ZBBX: variants seen among roughly 807,000 people sequenced by gnomAD.
The protein encoded by ZBBX is zinc finger B-box domain containing, also known as zinc finger B-box domain-containing protein 1.
A neutral mutation model predicts 108.5 loss-of-function variants in ZBBX; 101 were observed. The ratio of observed to expected loss-of-function variants is 0.93; its 90% CI spans 0.79 to 1.10. The LOEUF is 1.10. Among genes scored for constraint, ZBBX ranks in the 50% least tolerant of loss-of-function variants. The pLI is 0.00. For missense variants in ZBBX, 1,009 were observed against 941.4 expected, an observed-to-expected ratio of 1.07 and a Z score of -0.94; for synonymous variants, 356 against 323.4, an observed-to-expected ratio of 1.10 and a Z score of -1.08.
At chr3:167,242,670 C>G in intron 20 of ZBBX, 27 bp from the exon 21 acceptor site, 1 of 1,598,096 alleles carries the variant, frequency 6.3e-7, no homozygotes, top group African/African-American at 1.3e-5. Context: ...CATGCATTGT[C>G]AAAACATAAA....
chr3:167,306,314 G>A (rs1237555242), intron 16 of ZBBX, among the ~76,000 whole-genome samples: 2 of 152,070 alleles, frequency 1.3e-5, no homozygotes, highest in East Asian at 1.9e-4. Context: ...AGTAACACAG[G>A]GGGAACATTT....
chr3:167,403,357 T>C (rs1748484942), intron 1 of ZBBX, among the ~76,000 whole-genome samples: 1 of 152,120 alleles, frequency 6.6e-6, no homozygotes, highest in African/African-American at 2.4e-5. Flanking sequence ...ACATACTTTT[T>C]CAGATAAATG....
intron 19 of ZBBX, among the ~76,000 whole-genome samples, chr3:167,284,093 T>A (rs1211232657): frequency 3.3e-5 from 5 of 151,866 alleles, no homozygotes; most frequent in African/African-American, 1.2e-4. Context: ...AATAAAATTA[T>A]GAGTAAGTTA....
intron 8 of ZBBX, among the ~76,000 whole-genome samples, chr3:167,353,352 T>G (rs979797697): frequency 3.9e-5 from 6 of 151,918 alleles, no homozygotes; most frequent in African/African-American, 7.3e-5. Context: ...TGAAAGGAAC[T>G]AGATGGAGGC....
chr3:167,254,533 C>T (rs1410735522), intron 20 of ZBBX, among the ~76,000 whole-genome samples: 1 of 151,996 alleles, frequency 6.6e-6, no homozygotes, highest in African/African-American at 2.4e-5. Context: ...GACATATAGA[C>T]AAGCTTGAGA....
At chr3:167,332,469 G>A (rs558671398) in intron 10 of ZBBX, among the ~76,000 whole-genome samples, 2 of 152,212 alleles carry the variant, frequency 1.3e-5, no homozygotes, top group African/African-American at 4.8e-5. Flanking sequence ...AGTTACCTAT[G>A]AAGACCAGAA....
the ZBBX span, among the ~76,000 whole-genome samples, chr3:167,198,928 G>T: frequency 2.6e-5 from 4 of 152,246 alleles, no homozygotes; most frequent in South Asian, 2.1e-4. Context: ...TTTCTGGAAA[G>T]CAATTCAATG....
chr3:167,192,675 T>C, the ZBBX span, among the ~76,000 whole-genome samples: 3 of 152,202 alleles, frequency 2.0e-5, no homozygotes, highest in Non-Finnish European at 4.4e-5. Context: ...CATTCTTTTT[T>C]CCCTGACTAT....
At chr3:167,277,977 A>T (rs1038634540) in intron 20 of ZBBX, among the ~76,000 whole-genome samples, 14 of 149,438 alleles carry the variant, frequency 9.4e-5, no homozygotes, top group Admixed American at 5.4e-4. Context: ...ATGGAAACTG[A>T]ACAACCTGCT....
intron 9 of ZBBX, among the ~76,000 whole-genome samples, chr3:167,348,356 G>GAAAGAAAGAAAGAAAGAA (rs1553832870): frequency 0.034 from 3,909 of 113,706 alleles, 114 homozygotes; most frequent in East Asian, 0.079. Context: ...AAGAAAGAAA[G>GAAAGAAAGAAAGAAAGAA]AAAGAAAGAA....
chr3:167,196,498 ATGTG>A, the ZBBX span, among the ~76,000 whole-genome samples: 3 of 152,192 alleles, frequency 2.0e-5, no homozygotes, highest in Admixed American at 2.0e-4. Context: ...AATAAAATCA[ATGTG>A]TGGGATTTAT....
At chr3:167,370,519 T>C (rs1019145441) in intron 4 of ZBBX, among the ~76,000 whole-genome samples, 3 of 152,148 alleles carry the variant, frequency 2.0e-5, no homozygotes, top group Non-Finnish European at 2.9e-5. Context: ...AAAACAAATA[T>C]GATTGTGTCA....
chr3:167,367,691 C>T (rs1224748533), intron 5 of ZBBX, among the ~76,000 whole-genome samples: 3 of 150,644 alleles, frequency 2.0e-5, no homozygotes, highest in Non-Finnish European at 4.4e-5. Flanking sequence ...AAAGATAAGA[C>T]ATTTGTGGAG....
intron 15 of ZBBX, among the ~76,000 whole-genome samples, chr3:167,314,562 T>C (rs1735121069): frequency 6.6e-6 from 1 of 152,206 alleles, no homozygotes; most frequent in South Asian, 2.1e-4. Flanking sequence ...ATGATTACTA[T>C]CTATATGCAT....
intron 8 of ZBBX, among the ~76,000 whole-genome samples, chr3:167,353,890 AT>A (rs1392606764): frequency 2.0e-5 from 3 of 151,984 alleles, no homozygotes; most frequent in Admixed American, 6.6e-5. Context: ...CACAACAAAC[AT>A]TACTAATCTT....
the ZBBX span, among the ~76,000 whole-genome samples, chr3:167,208,988 AGCGCTTGGGTCTTGAGTTAACATAG>A: frequency 6.6e-6 from 1 of 152,122 alleles, no homozygotes; most frequent in African/African-American, 2.4e-5. Context: ...CTGGCTGAAG[AGCGCTTGGGTCTTGAGTTAACATAG>A]GTAGTAACCA....
the ZBBX span, among the ~76,000 whole-genome samples, chr3:167,190,116 T>A: frequency 6.6e-6 from 1 of 152,170 alleles, no homozygotes; most frequent in African/African-American, 2.4e-5. Flanking sequence ...TACATCCTTT[T>A]TCATAAATAT....
rs189086501 is a variant in ZBBX at position 167,347,674 on chromosome 3, G to A, written c.528+2746C>T. ...TTAGGTGAAATAATGTTATAAAAAA[G>A]AGAATAACATCATTATAGGTTTAGC... is the stretch of plus-strand genomic sequence containing the variant. On this transcript the variant is annotated intron_variant, in intron 9 of 21. Transcript: ENST00000675490. Among the ~76,000 whole-genome samples the A allele has an allele frequency of 1.9e-3, 293 of 152,050 alleles. 1 individual carries two copies. Among genetic ancestry groups the A allele is most frequent in the Non-Finnish European group, 1.9e-3 (130 of 67,932 alleles).
chr3:167,329,861 G>A (rs1032416336), intron 10 of ZBBX, among the ~76,000 whole-genome samples: 1 of 152,166 alleles, frequency 6.6e-6, no homozygotes, highest in Admixed American at 6.6e-5. Flanking sequence ...GGCAAAGAGA[G>A]GGAAATTATA....
Sources: gnomAD v4.1 joint callset for allele counts (sites outside exome capture counted in the v4.1 genomes callset) on GRCh38, gnomAD v4.1.1 for gene constraint, MANE v1.5 for transcripts, NCBI Gene and HGNC (gene_info 2026-07-23, HGNC 2026-07-21) for gene names.